Variants in TLN2 observed in about 807,000 individuals in gnomAD.
TLN2 encodes talin 2.
In TLN2, 118 loss-of-function variants were observed where a neutral mutation model predicts 294.7. The observed-to-expected ratio is 0.40, with a 90% CI of 0.34 to 0.47. The LOEUF is 0.47. Among genes scored for constraint, TLN2 ranks in the 20% least tolerant of loss-of-function variants. TLN2 has a pLI of 0.84. For synonymous variants in TLN2, 1,431 were observed against 1,304.5 expected (o/e 1.10, Z -2.09); for missense variants, 3,083 against 3,282.2 (o/e 0.94, Z 1.48).
intron 50 of TLN2, among the ~76,000 whole-genome samples, chr15:62,802,230 G>T (rs994527220): frequency 6.6e-6 from 1 of 151,826 alleles, no homozygotes; most frequent in African/African-American, 2.4e-5. Flanking sequence ...GTGTCTTTCT[G>T]TGCCTGGCTT....
At chr15:62,826,236 A>ATTAT (rs2068187046) in intron 54 of TLN2, among the ~76,000 whole-genome samples, 1 of 152,100 alleles carries the variant, frequency 6.6e-6, no homozygotes, top group South Asian at 2.1e-4. Context: ...TGATTAAAAG[A>ATTAT]TTATTTCAGT....
chr15:62,722,512 T>C, intron 26 of TLN2, 25 bp downstream of exon 26: 5 of 1,593,640 alleles, frequency 3.1e-6, no homozygotes, highest in Non-Finnish European at 4.3e-6. Flanking sequence ...TCATAGGGGT[T>C]AACTTGTCAG....
chr15:62,566,511 G>T lies in TLN2; in HGVS notation c.-237-23176G>T, dbSNP rs370609602. 5.1e-4 allele frequency among the ~76,000 whole-genome samples: 77 copies of T among 152,106 alleles called. 2 individuals are homozygous for T. Among genetic ancestry groups the T allele is most frequent in the African/African-American group, 1.7e-3 (72 of 41,454 alleles). ...CAGAAAATAGAGGGATGTGCATGGGGTATAGGGGAACTGGATGACCAGGCT... is the reference window on the plus strand; with the variant it reads ...CAGAAAATAGAGGGATGTGCATGGGTTATAGGGGAACTGGATGACCAGGCT... On this transcript the variant is annotated intron_variant, in intron 1 of 58. Transcript: ENST00000636159.
chr15:62,557,417 G>A (rs529898841), intron 1 of TLN2, among the ~76,000 whole-genome samples: 31 of 152,222 alleles, frequency 2.0e-4, no homozygotes, highest in Non-Finnish European at 3.1e-4. Flanking sequence ...CACACAAGAT[G>A]TGTGATGTGA....
At chr15:62,676,620 C>G (rs1175662935) in intron 11 of TLN2, among the ~76,000 whole-genome samples, 1 of 152,108 alleles carries the variant, frequency 6.6e-6, no homozygotes, top group Non-Finnish European at 1.5e-5. Flanking sequence ...CTACTATCTT[C>G]TTTTGTTTTT....
intron 37 of TLN2, among the ~76,000 whole-genome samples, chr15:62,761,155 A>G (rs549271944): frequency 6.6e-6 from 1 of 152,340 alleles, no homozygotes; most frequent in Admixed American, 6.5e-5. Context: ...TGTTCATTTC[A>G]GAATGATGAC....
rs1371978148 is a variant in TLN2, at chr15:62,766,404, A to G, written c.5178A>G (p.Ala1726=). ...TCGCCACAGCGGCTCGGGGAGAAGCAGCTCAGCTGGGACATAAGGTAATGC... is the reference window on the plus strand; with the variant it reads ...TCGCCACAGCGGCTCGGGGAGAAGCGGCTCAGCTGGGACATAAGGTAATGC... ...DPIATAARGE[A]AQLGHKVTQL... The change falls in exon 41 of 59, where the codon GCA becomes GCG. Residue 1726 remains alanine, a synonymous_variant. Transcript: ENST00000636159. The G allele has an allele frequency of 1.2e-6, 2 of 1,611,690 alleles. No homozygotes were observed. Among genetic ancestry groups the G allele is most frequent in the South Asian group, 1.1e-5 (1 of 91,024 alleles).
chr15:62,739,042 C>T (rs535087072), intron 30 of TLN2, among the ~76,000 whole-genome samples: 2 of 152,196 alleles, frequency 1.3e-5, no homozygotes, highest in African/African-American at 2.4e-5. Flanking sequence ...ACCCTGGAGT[C>T]GGATTGCCTT....
In TLN2 at chr15:62,805,712, G is replaced by A. The variant is rs1215638302; in HGVS notation, c.6590G>A (p.Cys2197Tyr). 1 of 1,614,180 alleles carries A rather than the reference G, an allele frequency of 6.2e-7. No individual in the cohort carries two copies. Among genetic ancestry groups the A allele is most frequent in the Non-Finnish European group, 8.5e-7 (1 of 1,180,028 alleles). Residue 2197 changes from cysteine (C) to tyrosine (Y), a missense_variant, in exon 51 of 59, where the codon TGT (cysteine) becomes TAT (tyrosine). Transcript: ENST00000636159. ...TAKAVAAGNS[C>Y]RQEDVIATAN... ...AAAGCCGTGGCAGCTGGGAACTCATGTAGACAGGAGGACGTGATTGCTACT... is the reference window on the plus strand; with the variant it reads ...AAAGCCGTGGCAGCTGGGAACTCATATAGACAGGAGGACGTGATTGCTACT...
intron 1 of TLN2, among the ~76,000 whole-genome samples, chr15:62,397,222 GC>G (rs1452253589): frequency 6.6e-6 from 1 of 152,146 alleles, no homozygotes; most frequent in Non-Finnish European, 1.5e-5. Flanking sequence ...GCTAAAGCCA[GC>G]CTTTCAAAAG....
chr15:62,477,542 T>C (rs1260760953), intron 1 of TLN2, among the ~76,000 whole-genome samples: 1 of 152,180 alleles, frequency 6.6e-6, no homozygotes, highest in Non-Finnish European at 1.5e-5. Flanking sequence ...AAGGTTATCA[T>C]AGGTTGTAGG....
intron 28 of TLN2, among the ~76,000 whole-genome samples, chr15:62,728,848 T>G (rs2060571431): frequency 6.6e-6 from 1 of 152,226 alleles, no homozygotes; most frequent in South Asian, 2.1e-4. Flanking sequence ...ACAAAAGGTT[T>G]TATTTTAATA....
chr15:62,766,618 A>G (rs919429965), intron 41 of TLN2, among the ~76,000 whole-genome samples, 196 bp downstream of exon 41: 6 of 152,112 alleles, frequency 3.9e-5, no homozygotes, highest in Non-Finnish European at 8.8e-5. Flanking sequence ...TTCAGGATCT[A>G]TTTTTACCTA....
chr15:62,396,363 TA>T (rs1451466815), intron 1 of TLN2, among the ~76,000 whole-genome samples: 2 of 152,206 alleles, frequency 1.3e-5, no homozygotes, highest in Non-Finnish European at 2.9e-5. Context: ...AGCAACCATT[TA>T]GAAAAAAAGA....
intron 28 of TLN2, among the ~76,000 whole-genome samples, chr15:62,728,652 A>G (rs1385791804): frequency 2.0e-5 from 3 of 152,206 alleles, no homozygotes; most frequent in Non-Finnish European, 4.4e-5. Context: ...TCCCTGATGA[A>G]CAGTGCCATC....
intron 3 of TLN2, among the ~76,000 whole-genome samples, chr15:62,640,556 G>C (rs1230375943): frequency 6.6e-6 from 1 of 152,140 alleles, no homozygotes; most frequent in Admixed American, 6.5e-5. Flanking sequence ...ACAAGCCCCA[G>C]GGTGGAAGCT....
At chr15:62,778,844 A>G (rs1478358875) in intron 43 of TLN2, among the ~76,000 whole-genome samples, 1 of 152,072 alleles carries the variant, frequency 6.6e-6, no homozygotes, top group Admixed American at 6.5e-5. Context: ...ACTCTTATCT[A>G]CCCTGGCCTG....
chr15:62,616,006 T>C lies in TLN2; in HGVS notation c.-161-2345T>C, dbSNP rs149699880. Among the ~76,000 whole-genome samples the C allele has an allele frequency of 2.6e-5, 4 of 152,318 alleles. No homozygotes were observed. In the South Asian group the frequency reaches 6.2e-4, roughly 24 times the overall value. ...TGTTCTTTTGTGAAATTTTTACTAC[T>C]GTCCTCTAACAGTTTTGTATCATGA... On this transcript the variant is annotated intron_variant, in intron 2 of 58. Transcript: ENST00000636159.
At chr15:62,612,358 G>A (rs888535481) in intron 2 of TLN2, among the ~76,000 whole-genome samples, 11 of 152,130 alleles carry the variant, frequency 7.2e-5, no homozygotes, top group African/African-American at 2.7e-4. Context: ...AGGAAATGTT[G>A]TTTTCGTTGC....
Sources: gnomAD v4.1 joint callset for allele counts (sites outside exome capture counted in the v4.1 genomes callset) on GRCh38, gnomAD v4.1.1 for gene constraint, MANE v1.5 for transcripts, NCBI Gene and HGNC (gene_info 2026-07-23, HGNC 2026-07-21) for gene names.